Variants in ADCY8 observed in about 807,000 individuals in gnomAD.
ADCY8 encodes the protein adenylate cyclase type 8.
A neutral mutation model predicts 119.7 loss-of-function variants in ADCY8; 51 were observed. That is an observed-to-expected ratio of 0.43 (90% CI 0.34 to 0.54). The LOEUF (loss-of-function observed/expected upper bound fraction) is 0.54. ADCY8 is among the 20% of genes least tolerant of loss of function. The probability of loss-of-function intolerance (pLI) is 0.03; values close to 1 mark genes in which losing one functional copy is unlikely to be tolerated. For synonymous variants in ADCY8, 665 were observed against 651.0 expected (o/e 1.02, Z -0.33); for missense variants, 1,383 against 1,598.8 (o/e 0.87, Z 2.30).
intron 12 of ADCY8, among the ~76,000 whole-genome samples, chr8:130,823,118 C>A (rs1816571210): frequency 6.6e-6 from 1 of 152,064 alleles, no homozygotes; most frequent in South Asian, 2.1e-4. Flanking sequence ...GACTTTAAGC[C>A]CAGAAATTTA....
intron 7 of ADCY8, among the ~76,000 whole-genome samples, chr8:130,902,799 C>T (rs758107703): frequency 1.3e-5 from 2 of 151,974 alleles, no homozygotes; most frequent in Non-Finnish European, 2.9e-5. Flanking sequence ...ATGGTACTCT[C>T]AGCTTCTGCT....
At chr8:130,831,408 G>A (rs1816830105) in intron 12 of ADCY8, among the ~76,000 whole-genome samples, 1 of 152,168 alleles carries the variant, frequency 6.6e-6, no homozygotes, top group Non-Finnish European at 1.5e-5. Flanking sequence ...TGAGGTAAAT[G>A]CAATAATAAA....
intron 8 of ADCY8, among the ~76,000 whole-genome samples, chr8:130,874,727 T>A (rs1025304020): frequency 7.2e-5 from 11 of 152,098 alleles, no homozygotes; most frequent in African/African-American, 2.2e-4. Flanking sequence ...GATAGCGGGG[T>A]TAGACTGGGC....
At chr8:130,944,348 G>A (rs1821046843) in intron 3 of ADCY8, among the ~76,000 whole-genome samples, 2 of 152,188 alleles carry the variant, frequency 1.3e-5, no homozygotes, top group South Asian at 2.1e-4. Flanking sequence ...CACAAAACAG[G>A]ATACCATATT....
chr8:130,836,200 C>T (rs766266541), intron 12 of ADCY8, 77 bp downstream of exon 12: 177 of 1,433,372 alleles, frequency 1.2e-4, no homozygotes, highest in Non-Finnish European at 1.6e-4. Context: ...AGTAATGCAG[C>T]GGGCATCATT....
chr8:130,814,243 G>A lies in ADCY8; in HGVS notation c.2755-16C>T, dbSNP rs1431245649. 9.3e-6 allele frequency: 15 copies of A among 1,612,502 alleles called. No homozygotes were observed. The highest frequency in any genetic ancestry group is 3.3e-5 in the Admixed American group (2 of 59,976). On this transcript the variant is annotated splice_polypyrimidine_tract_variant and intron_variant, in intron 13 of 17. Coordinates refer to ENST00000286355, the MANE Select transcript of ADCY8 (RefSeq NM_001115.3). ...TGTACTCCAGCTGCAGTACATGTGA[G>A]AGAAAGAGGAGAATGAGGTAAACTT...
chr8:130,906,997 A>G (rs1819809185), intron 6 of ADCY8, among the ~76,000 whole-genome samples: 1 of 152,030 alleles, frequency 6.6e-6, no homozygotes, highest in Admixed American at 6.6e-5. Context: ...GGATTGAGAC[A>G]AGAACTTTTA....
At chr8:130,914,677 T>C (rs894128530) in intron 5 of ADCY8, among the ~76,000 whole-genome samples, 4 of 152,160 alleles carry the variant, frequency 2.6e-5, no homozygotes, top group Non-Finnish European at 5.9e-5. Flanking sequence ...GAAGCTAAAA[T>C]GGAGACAATT....
At chr8:130,844,339 G>A (rs1817234698) in intron 11 of ADCY8, among the ~76,000 whole-genome samples, 1 of 152,002 alleles carries the variant, frequency 6.6e-6, no homozygotes, top group South Asian at 2.1e-4. Flanking sequence ...TTCATTCCTG[G>A]CATCTTCACT....
intron 2 of ADCY8, among the ~76,000 whole-genome samples, chr8:130,955,813 G>A (rs1483391498): frequency 1.3e-5 from 2 of 152,144 alleles, no homozygotes; most frequent in Non-Finnish European, 2.9e-5. Flanking sequence ...GAAATGCCTA[G>A]GGAAGCAGTT....
At chr8:131,030,956 T>C (rs1823978068) in intron 1 of ADCY8, among the ~76,000 whole-genome samples, 1 of 152,220 alleles carries the variant, frequency 6.6e-6, no homozygotes, top group Non-Finnish European at 1.5e-5. Context: ...CTCTTGCCCT[T>C]TGTCTTCTAC....
chr8:130,919,335 G>A (rs760349743), intron 5 of ADCY8, among the ~76,000 whole-genome samples: 6 of 152,102 alleles, frequency 3.9e-5, no homozygotes, highest in Non-Finnish European at 5.9e-5. Flanking sequence ...CACACATGAT[G>A]TATGTTGTGA....
At chr8:130,797,432 A>G (rs1222945970) in intron 15 of ADCY8, among the ~76,000 whole-genome samples, 1 of 152,220 alleles carries the variant, frequency 6.6e-6, no homozygotes, top group Non-Finnish European at 1.5e-5. Context: ...AATTGGAAGT[A>G]TGTTTTGAAT....
intron 7 of ADCY8, chr8:130,892,294 C>T (rs1232049614): frequency 6.6e-6 from 1 of 152,106 alleles, no homozygotes; most frequent in Admixed American, 6.6e-5. Flanking sequence ...ATCGTTGCTT[C>T]CCATCTTTAG....
Position 130,785,464 on chromosome 8 carries a change from T to A in ADCY8, c.3072A>T (p.Glu1024Asp). Residue 1024 changes from glutamate (E) to aspartate (D), a missense_variant, in exon 16 of 18, where the codon GAA becomes GAT. Physicochemically the swap from Glu to Asp is conservative, Grantham distance 45. Around this residue, in one of 2 missense-constraint regions of ADCY8, gnomAD observed 928 missense variants for 1,163.5 expected, o/e 0.80. Transcript: ENST00000286355. Reference sequence around the variant, plus strand: ...TCTTTTCAATGTCTTGAAATCGGTCTTCACCAAGCAACTGAAAGAGAGCCA... The same window carrying A: ...TCTTTTCAATGTCTTGAAATCGGTCATCACCAAGCAACTGAAAGAGAGCCA... ...IIADFDELLG[E>D]DRFQDIEKIK... is the part of the protein sequence containing the mutation. 6.2e-7 allele frequency: 1 copy of A among 1,609,626 alleles called. No homozygotes were observed. The highest frequency in any genetic ancestry group is 8.5e-7 in the Non-Finnish European group (1 of 1,177,752).
At chr8:130,957,680 C>A (rs1235815793) in intron 2 of ADCY8, among the ~76,000 whole-genome samples, 2 of 152,294 alleles carry the variant, frequency 1.3e-5, no homozygotes, top group East Asian at 3.9e-4. Context: ...GCCCAGGGTC[C>A]CCATACTGTG....
chr8:131,027,323 G>A (rs1823852386), intron 1 of ADCY8, among the ~76,000 whole-genome samples: 1 of 152,144 alleles, frequency 6.6e-6, no homozygotes, highest in South Asian at 2.1e-4. Flanking sequence ...AGGCAAGGAA[G>A]GTAAACAATT....
chr8:130,857,088 T>C (rs1817763345), intron 9 of ADCY8, among the ~76,000 whole-genome samples: 1 of 128,600 alleles, frequency 7.8e-6, no homozygotes, highest in South Asian at 3.1e-4. Flanking sequence ...AGCCCATCCA[T>C]TTGTGGGGTG....
intron 2 of ADCY8, among the ~76,000 whole-genome samples, chr8:130,980,429 CA>C (rs1822205039): frequency 6.6e-6 from 1 of 151,876 alleles, no homozygotes; most frequent in Admixed American, 6.6e-5. Context: ...TGCAGGGAAC[CA>C]AAGGGTTGTT....
Sources: gnomAD v4.1 joint callset for allele counts (sites outside exome capture counted in the v4.1 genomes callset) on GRCh38, gnomAD v4.1.1 for gene constraint, gnomAD v4.1.1 regional missense constraint, MANE v1.5 for transcripts, NCBI Gene and HGNC (gene_info 2026-07-23, HGNC 2026-07-21) for gene names.